The following HMHB1 variants were observed in gnomAD, a reference collection of about 807,000 sequenced individuals.
The protein encoded by HMHB1 is histocompatibility minor HB-1.
Under a neutral mutation model 2.4 loss-of-function variants are expected in HMHB1, and 4 were observed. That is an observed-to-expected ratio of 1.65 (90% CI 0.81 to 3.77). HMHB1 has a LOEUF of 3.77. HMHB1 is among the 30% of genes most tolerant of loss of function. The pLI, the probability that HMHB1 is intolerant of heterozygous loss-of-function variation, is 0.01. For synonymous variants in HMHB1, 22 were observed against 17.6 expected, an observed-to-expected ratio of 1.25 and a Z score of -0.63; for missense variants, 57 against 44.2, an observed-to-expected ratio of 1.29 and a Z score of -0.82.
rs1416156542 is a variant in HMHB1 at position 143,819,339 on chromosome 5, C to T, written c.38-1141C>T. 3.3e-5 allele frequency among the ~76,000 whole-genome samples: 5 copies of T among 152,164 alleles called. No homozygotes were observed. The South Asian group carries it at 1.0e-3, about 32-fold the overall frequency. On this transcript the variant is annotated intron_variant, in intron 1 of 1. Transcript: ENST00000289448. ...GTTATTGTAAGATGGGCAGAGAACC[C>T]TAAAAGTCTACTACAATATCCTGGC... is the stretch of plus-strand genomic sequence containing the variant.
intron 1 of HMHB1, among the ~76,000 whole-genome samples, chr5:143,818,265 A>G (rs1759770585): frequency 6.6e-6 from 1 of 152,220 alleles, no homozygotes; most frequent in Non-Finnish European, 1.5e-5. Context: ...TGACCTTTAC[A>G]CATCCACCAG....
intron 1 of HMHB1, among the ~76,000 whole-genome samples, 162 bp from the exon 2 acceptor site, chr5:143,820,318 T>TTAAAAAAAAAAAAAAAA (rs1224094703): frequency 4.2e-5 from 2 of 47,564 alleles, no homozygotes; most frequent in African/African-American, 1.4e-4. Flanking sequence ...TCATCATAAG[T>TTAAAAAAAAAAAAAAAA]AAAAAAAAAA....
chr5:143,815,588 C>T (rs568082748), intron 1 of HMHB1, among the ~76,000 whole-genome samples: 16 of 149,240 alleles, frequency 1.1e-4, no homozygotes, highest in Admixed American at 1.0e-3. Flanking sequence ...AGTGCAGTGG[C>T]GCAATCTTGG....
intron 1 of HMHB1, among the ~76,000 whole-genome samples, chr5:143,815,066 T>C (rs149320278): frequency 1.4e-4 from 22 of 152,342 alleles, no homozygotes; most frequent in African/African-American, 5.3e-4. Context: ...GATGTCACCA[T>C]GGGGCAAGCT....
chr5:143,816,698 C>A (rs1290149019), intron 1 of HMHB1, among the ~76,000 whole-genome samples: 2 of 152,200 alleles, frequency 1.3e-5, no homozygotes, highest in Non-Finnish European at 2.9e-5. Flanking sequence ...ATAATGACTT[C>A]TTTTCCTCTG....
At chr5:143,815,717 TG>T (rs1409220758) in intron 1 of HMHB1, among the ~76,000 whole-genome samples, 2 of 144,096 alleles carry the variant, frequency 1.4e-5, no homozygotes, top group Non-Finnish European at 1.5e-5. Context: ...TTTTTTTTTT[TG>T]AGACGGAGTC....
chr5:143,815,370 T>G (rs1032267466), intron 1 of HMHB1, among the ~76,000 whole-genome samples: 4 of 152,190 alleles, frequency 2.6e-5, no homozygotes, highest in African/African-American at 9.7e-5. Flanking sequence ...ACTTACAGAT[T>G]TACCTGCATT....
intron 1 of HMHB1, among the ~76,000 whole-genome samples, chr5:143,817,189 C>A (rs188028272): frequency 3.9e-5 from 6 of 152,190 alleles, no homozygotes; most frequent in African/African-American, 1.4e-4. Context: ...TCTTTTGCTG[C>A]GTAAAAGCTC....
intron 1 of HMHB1, among the ~76,000 whole-genome samples, chr5:143,818,563 A>G (rs748146039): frequency 3.3e-5 from 5 of 152,242 alleles, no homozygotes; most frequent in Non-Finnish European, 7.3e-5. Flanking sequence ...CCAGAGCCCA[A>G]GCCCAATAGC....
At chr5:143,818,808 A>G (rs1047083346) in intron 1 of HMHB1, among the ~76,000 whole-genome samples, 5 of 151,088 alleles carry the variant, frequency 3.3e-5, no homozygotes, top group African/African-American at 1.2e-4. Context: ...TCCTACCCCT[A>G]GCTGGTCTCT....
intron 1 of HMHB1, among the ~76,000 whole-genome samples, chr5:143,816,860 G>T (rs1158355959): frequency 6.6e-6 from 1 of 152,210 alleles, no homozygotes; most frequent in South Asian, 2.1e-4. Context: ...ATCCATGCCA[G>T]CATCTACTGT....
chr5:143,816,549 G>A (rs1759751683), intron 1 of HMHB1, among the ~76,000 whole-genome samples: 2 of 152,182 alleles, frequency 1.3e-5, no homozygotes, highest in South Asian at 2.1e-4. Flanking sequence ...CCTTTTTATG[G>A]CTGAGTAGTA....
intron 1 of HMHB1, among the ~76,000 whole-genome samples, chr5:143,813,114 C>T (rs1190196243): frequency 6.6e-6 from 1 of 151,952 alleles, no homozygotes. Context: ...CTGATGAGGC[C>T]GGGGAAGCCT....
intron 1 of HMHB1, among the ~76,000 whole-genome samples, chr5:143,814,284 T>C (rs896094364): frequency 1.4e-4 from 21 of 152,324 alleles, no homozygotes; most frequent in Admixed American, 1.0e-3. Flanking sequence ...AAAATAACAA[T>C]TTGGAGATAA....
intron 1 of HMHB1, among the ~76,000 whole-genome samples, chr5:143,818,519 A>G (rs1352153467): frequency 6.6e-6 from 1 of 152,246 alleles, no homozygotes; most frequent in South Asian, 2.1e-4. Flanking sequence ...AAGTTACACA[A>G]GTATCAAAGT....
At chr5:143,815,136 A>G (rs1759733063) in intron 1 of HMHB1, among the ~76,000 whole-genome samples, 1 of 152,262 alleles carries the variant, frequency 6.6e-6, no homozygotes, top group African/African-American at 2.4e-5. Flanking sequence ...AACAAAGTTC[A>G]GAGACCTAAA....
At chr5:143,820,318 T>TAAAAAAACAA (rs1759794217) in intron 1 of HMHB1, among the ~76,000 whole-genome samples, 162 bp from the exon 2 acceptor site, 1 of 47,564 alleles carries the variant, frequency 2.1e-5, no homozygotes, top group African/African-American at 7.0e-5. Context: ...TCATCATAAG[T>TAAAAAAACAA]AAAAAAAAAA....
Position 143,812,253 on chromosome 5 carries a change from G to A in HMHB1, c.-15G>A. ...ACCTCACATCCTCTGCCACACCACA[G>A]TGGAGAAACCAGAACTGGAGGAGCA... On this transcript the variant is annotated 5_prime_UTR_variant, in exon 1 of 2. The change creates a new upstream start codon in the 5' untranslated region. Coordinates refer to ENST00000289448, the MANE Select transcript of HMHB1 (RefSeq NM_021182.3). The A allele has an allele frequency of 1.3e-6, 2 of 1,551,654 alleles. No homozygotes were observed. The highest frequency in any genetic ancestry group is 1.7e-6 in the Non-Finnish European group (2 of 1,146,960).
intron 1 of HMHB1, among the ~76,000 whole-genome samples, chr5:143,820,145 A>T (rs950159622): frequency 6.6e-6 from 1 of 152,012 alleles, no homozygotes; most frequent in African/African-American, 2.4e-5. Flanking sequence ...AGAAATTAGC[A>T]TGGTTCTTTA....
Sources: gnomAD v4.1 joint callset for allele counts (sites outside exome capture counted in the v4.1 genomes callset) on GRCh38, gnomAD v4.1.1 for gene constraint, MANE v1.5 for transcripts, NCBI Gene and HGNC (gene_info 2026-07-23, HGNC 2026-07-21) for gene names.